LARGE1: variants seen among roughly 807,000 people sequenced by gnomAD.
LARGE1 encodes the protein xylosyl- and glucuronyltransferase LARGE1.
LARGE1 carries 43 observed loss-of-function variants against 87.6 expected under a neutral mutation model. The ratio of observed to expected loss-of-function variants is 0.49; its 90% CI spans 0.38 to 0.63. The LOEUF (loss-of-function observed/expected upper bound fraction) is 0.63, where lower values mean the gene tolerates loss of function less well. Ranked by LOEUF, LARGE1 falls within the 30% of genes least tolerant of loss-of-function variation. LARGE1 has a pLI of 0.00. For missense variants in LARGE1, 802 were observed against 1,000.2 expected (o/e 0.80, Z 2.67); for synonymous variants, 434 against 394.6 (o/e 1.10, Z -1.18).
At chr22:33,716,757 T>C (rs1364814437) in intron 2 of LARGE1, among the ~76,000 whole-genome samples, 2 of 152,204 alleles carry the variant, frequency 1.3e-5, no homozygotes, top group Non-Finnish European at 2.9e-5. Flanking sequence ...ATACAAGACA[T>C]GGAGCCAGAG....
chr22:33,513,015 GGAGGTGCCTAATGCCT>G (rs1438920009), intron 6 of LARGE1, among the ~76,000 whole-genome samples: 1 of 151,936 alleles, frequency 6.6e-6, no homozygotes, highest in African/African-American at 2.4e-5. Context: ...TTATGCAAAA[GGAGGTGCCTAATGCCT>G]GAGGATCCCA....
intron 11 of LARGE1, among the ~76,000 whole-genome samples, chr22:33,204,434 G>A (rs781628495): frequency 8.5e-5 from 13 of 152,240 alleles, no homozygotes; most frequent in Non-Finnish European, 7.4e-5. Context: ...AAGACTTTTT[G>A]CTTGAAAACG....
intron 7 of LARGE1, among the ~76,000 whole-genome samples, chr22:33,427,384 G>A (rs2066915635): frequency 6.6e-6 from 1 of 152,232 alleles, no homozygotes; most frequent in Non-Finnish European, 1.5e-5. Context: ...AAAAAGGGAA[G>A]GAGATGAATG....
chr22:33,619,830 G>C (rs1302799431), intron 4 of LARGE1, among the ~76,000 whole-genome samples: 1 of 152,188 alleles, frequency 6.6e-6, no homozygotes, highest in Non-Finnish European at 1.5e-5. Context: ...CCCTGATACA[G>C]AGCAAGAGCT....
At chr22:33,105,067 C>G in the LARGE1 span, among the ~76,000 whole-genome samples, 10 of 151,390 alleles carry the variant, frequency 6.6e-5, no homozygotes, top group Non-Finnish European at 1.2e-4. Flanking sequence ...GTACTATCTC[C>G]GCTCACCACA....
At chr22:33,156,344 C>A in the LARGE1 span, among the ~76,000 whole-genome samples, 1 of 152,304 alleles carries the variant, frequency 6.6e-6, no homozygotes, top group Admixed American at 6.5e-5. Flanking sequence ...GGAAAGGGGG[C>A]TATACCCTGC....
intron 1 of LARGE1, among the ~76,000 whole-genome samples, chr22:33,838,494 C>T (rs1380917583): frequency 1.3e-5 from 2 of 152,118 alleles, no homozygotes; most frequent in Non-Finnish European, 2.9e-5. Flanking sequence ...TAAAGATTAG[C>T]TGGATGTTGT....
In LARGE1 at chr22:33,496,185, G is replaced by A. The variant is rs184176114; in HGVS notation, c.788-63920C>T. 3.8e-3 allele frequency among the ~76,000 whole-genome samples: 571 copies of A among 152,226 alleles called. 5 individuals are homozygous for A. Among genetic ancestry groups the A allele is most frequent in the South Asian group, 0.023 (109 of 4,802 alleles). ...TAGTCTAGTCTTTCCACGTTCTTCT[G>A]CCTGCTTTTATTCCGGCCGTGCTGG... On this transcript the variant is annotated intron_variant, in intron 6 of 14. Coordinates refer to ENST00000397394, the MANE Select transcript of LARGE1 (RefSeq NM_133642.5).
At chr22:33,423,103 T>A (rs2066753305) in intron 7 of LARGE1, among the ~76,000 whole-genome samples, 1 of 151,202 alleles carries the variant, frequency 6.6e-6, no homozygotes, top group Non-Finnish European at 1.5e-5. Context: ...TTACCAAGAG[T>A]TGTTCACTAC....
intron 5 of LARGE1, among the ~76,000 whole-genome samples, chr22:33,574,996 G>A (rs975388543): frequency 6.6e-6 from 1 of 152,104 alleles, no homozygotes; most frequent in African/African-American, 2.4e-5. Flanking sequence ...CAGCTGAGAG[G>A]CATCAGAACC....
chr22:33,435,941 A>T (rs1371655578), intron 6 of LARGE1, among the ~76,000 whole-genome samples: 2 of 152,226 alleles, frequency 1.3e-5, no homozygotes, highest in African/African-American at 4.8e-5. Flanking sequence ...TTTTTAAAAG[A>T]AATTCATTAG....
chr22:33,747,962 A>G (rs71313181), intron 2 of LARGE1: 1 of 139,806 alleles, frequency 7.2e-6, no homozygotes, highest in Admixed American at 8.1e-5. Flanking sequence ...CTGGGACACC[A>G]CCTCAAGCAT....
chr22:33,680,389 C>T (rs1440941037), intron 2 of LARGE1, among the ~76,000 whole-genome samples: 2 of 149,848 alleles, frequency 1.3e-5, no homozygotes, highest in Admixed American at 1.3e-4. Flanking sequence ...TTTATTTTTA[C>T]AATAACTACT....
chr22:33,519,226 G>A lies in LARGE1; in HGVS notation c.787+45622C>T, dbSNP rs556338634. Among the ~76,000 whole-genome samples, 13 of 120,994 alleles carry A rather than the reference G, an allele frequency of 1.1e-4. No homozygotes were observed. The South Asian group carries it at 3.3e-3, about 30-fold the overall frequency. The allele number at this position is 120,994 out of a possible 152,430, so 79.4% of individuals were successfully genotyped here. A position where few individuals can be genotyped will look rare whatever the true frequency, so the allele number is the denominator to read the frequency against. ...TTCTGCAGGTCCCTGAGCTGCGTGC[G>A]TGCGCGCGCGTGTGTGTGTGTGTGT... On this transcript the variant is annotated intron_variant, in intron 6 of 14. Transcript: ENST00000397394.
chr22:33,325,059 C>T (rs1480489092), intron 10 of LARGE1, among the ~76,000 whole-genome samples: 6 of 152,312 alleles, frequency 3.9e-5, no homozygotes, highest in East Asian at 3.8e-4. Context: ...ATACAATGCG[C>T]GAACAGAGTA....
intron 1 of LARGE1, among the ~76,000 whole-genome samples, chr22:33,903,211 A>G (rs1056452970): frequency 6.6e-6 from 1 of 152,356 alleles, no homozygotes; most frequent in East Asian, 1.9e-4. Flanking sequence ...TCCTAATAAC[A>G]GGAAGAGATT....
chr22:33,628,617 A>G (rs926481637), intron 3 of LARGE1, among the ~76,000 whole-genome samples: 1 of 152,178 alleles, frequency 6.6e-6, no homozygotes, highest in African/African-American at 2.4e-5. Context: ...CACCCCGCCT[A>G]GAATAGATTC....
At chr22:33,623,549 TG>T (rs1414252876) in intron 4 of LARGE1, among the ~76,000 whole-genome samples, 4 of 152,146 alleles carry the variant, frequency 2.6e-5, no homozygotes, top group Non-Finnish European at 4.4e-5. Context: ...GCAGTGAATT[TG>T]ACGCTTGCTA....
the LARGE1 span, among the ~76,000 whole-genome samples, chr22:33,126,807 A>AC: frequency 1.2e-4 from 19 of 152,334 alleles, no homozygotes; most frequent in East Asian, 2.7e-3. Context: ...ATATACTGCT[A>AC]CCCCACTGGC....
Sources: gnomAD v4.1 joint callset for allele counts (sites outside exome capture counted in the v4.1 genomes callset) on GRCh38, gnomAD v4.1.1 for gene constraint, MANE v1.5 for transcripts, NCBI Gene and HGNC (gene_info 2026-07-23, HGNC 2026-07-21) for gene names.